LMNTD2: variants seen among roughly 807,000 people sequenced by gnomAD.
LMNTD2 encodes the protein lamin tail domain-containing protein 2.
LMNTD2 carries 83 observed loss-of-function variants against 70.1 expected under a neutral mutation model. That is an observed-to-expected ratio of 1.18 (90% CI 0.99 to 1.42). LMNTD2 has a LOEUF of 1.42. LMNTD2 is among the 40% of genes most tolerant of loss of function. The pLI is 0.00. For missense variants in LMNTD2, 1,153 were observed against 905.9 expected (o/e 1.27, Z -3.50); for synonymous variants, 534 against 406.1 (o/e 1.31, Z -3.79).
Position 558,044 on chromosome 11 carries a change from T to C in LMNTD2, c.400-5A>G. The C allele has an allele frequency of 6.3e-7, 1 of 1,581,100 alleles. No homozygotes were observed. Reference sequence around the variant, plus strand: ...CTCCTCCAGGTGCTCCTTCTCCTGCTCCGAGAGGGCCTGTGGTTGGTGGTG... The same window carrying C: ...CTCCTCCAGGTGCTCCTTCTCCTGCCCCGAGAGGGCCTGTGGTTGGTGGTG... On this transcript the variant is annotated splice_polypyrimidine_tract_variant and splice_region_variant and intron_variant, in intron 4 of 13. Transcript: ENST00000329451.
intron 1 of LMNTD2, 123 bp from the exon 2 acceptor site, chr11:559,102 T>G: frequency 5.9e-6 from 9 of 1,515,864 alleles, no homozygotes; most frequent in Non-Finnish European, 7.9e-6. Context: ...GTGCGCCTCG[T>G]GTGGCCACAC....
rs1054816309 is a variant in LMNTD2 at position 558,185 on chromosome 11, C to T, written c.375G>A (p.Lys125=). 16 of 1,613,570 alleles carry T rather than the reference C, an allele frequency of 9.9e-6. No homozygotes were observed. Among genetic ancestry groups the T allele is most frequent in the East Asian group, 4.5e-5 (2 of 44,884 alleles). ...NQVQKLIQEL[K]EQKERAQWEK... ...CCCACTGGGCTCGCTCCTTCTGTTC[C>T]TTCAACTCCTGGATCAGCTTCTGGA... Residue 125 remains lysine, a synonymous_variant, in exon 4 of 14, where the codon AAG becomes AAA. Coordinates refer to ENST00000329451, the MANE Select transcript of LMNTD2 (RefSeq NM_173573.3).
Position 557,949 on chromosome 11 carries a change from G to A in LMNTD2, c.490C>T (p.Leu164Phe), listed in dbSNP as rs777505810. The A allele has an allele frequency of 8.9e-5, 142 of 1,599,266 alleles. 3 individuals are homozygous for A. In the South Asian group the frequency reaches 1.4e-3, roughly 15 times the overall value. Reference protein sequence around the residue: ...AELQNLQKSCLLQLARSSWVG... With the variant: ...AELQNLQKSCFLQLARSSWVG... The stretch of plus-strand genomic sequence containing the variant: ...CACGAGGAGCGGGCCAGCTGCAGGA[G>A]GCAGGACTTCTGCAAGTTCTGCAGC... The change falls in exon 5 of 14, where the codon CTC (leucine) becomes TTC (phenylalanine). Residue 164 changes from leucine to phenylalanine, a missense_variant. Leu to Phe is a conservative substitution (Grantham distance 22). Transcript: ENST00000329451.
intron 8 of LMNTD2, 72 bp from the exon 9 acceptor site, chr11:556,660 G>C: frequency 1.4e-6 from 2 of 1,421,910 alleles, no homozygotes. Flanking sequence ...CGTGAGGTCA[G>C]AACAGGCCTG....
At chr11:555,617 G>A in intron 12 of LMNTD2, 114 bp from the exon 13 acceptor site, 1 of 1,260,644 alleles carries the variant, frequency 7.9e-7, no homozygotes, top group South Asian at 1.9e-5. Flanking sequence ...CCAGGGGGCG[G>A]CCGGGGCGGG....
chr11:557,103 G>A lies in LMNTD2; in HGVS notation c.714-6C>T, dbSNP rs1564816712. 3 of 1,582,216 alleles carry A rather than the reference G, an allele frequency of 1.9e-6. No homozygotes were observed. The highest frequency in any genetic ancestry group is 2.6e-6 in the Non-Finnish European group (3 of 1,162,672). On this transcript the variant is annotated splice_region_variant and splice_polypyrimidine_tract_variant and intron_variant, in intron 7 of 13. Transcript: ENST00000329451. ...GTGGCCAGGGCCGGGGCTGCCTGTG[G>A]ACCACGCTCTGCTTGATGGCCACTC... is the stretch of plus-strand genomic sequence containing the variant.
chr11:556,340 C>G lies in LMNTD2; in HGVS notation c.1109G>C (p.Arg370Pro), dbSNP rs898356524. 2.0e-6 allele frequency: 3 copies of G among 1,535,874 alleles called. No individual in the cohort carries two copies. Among genetic ancestry groups the G allele is most frequent in the Non-Finnish European group, 2.6e-6 (3 of 1,146,462 alleles). ...TGLKIVAVSC[R>P]EKFVRIFNPS... ...GTTGAAGATGCGGACGAACTTCTCC[C>G]GGCAGCTCACAGCCACGATCTTCAG... The change falls in exon 10 of 14, where the codon CGG becomes CCG. Residue 370 changes from arginine (R) to proline (P), a missense_variant. Transcript: ENST00000329451.
chr11:556,486 C>G lies in LMNTD2; in HGVS notation c.1073+6G>C. The stretch of plus-strand genomic sequence containing the variant: ...GCGCCGGAGGCTTGGGTCACTCGCC[C>G]CTTACCTCTGCAGGAGTTCCGGGCT... On this transcript the variant is annotated splice_donor_region_variant and intron_variant, in intron 9 of 13. Transcript: ENST00000329451. The G allele has an allele frequency of 6.4e-7, 1 of 1,550,680 alleles. No individual in the cohort carries two copies. The highest frequency in any genetic ancestry group is 1.2e-5 in the South Asian group (1 of 84,094).
Position 556,183 on chromosome 11 carries a change from G to A in LMNTD2, c.1257+9C>T. ...GCCGTCGGGGCCGGGCTCCCGGGCC[G>A]GGGCGCACCGTGACGTGGTGCCGCG... On this transcript the variant is annotated intron_variant, in intron 10 of 13. Transcript: ENST00000329451. 4.4e-6 allele frequency: 6 copies of A among 1,367,936 alleles called. No individual in the cohort carries two copies. The highest frequency in any genetic ancestry group is 5.6e-6 in the Non-Finnish European group (6 of 1,068,378). 84.7% of individuals were successfully genotyped at this position (1,367,936 alleles called of 1,614,324 possible).
chr11:555,621 G>T, intron 12 of LMNTD2, 113 bp downstream of exon 12: 1 of 1,267,916 alleles, frequency 7.9e-7, no homozygotes, highest in Non-Finnish European at 1.0e-6. Context: ...GGGGCGGCCG[G>T]GGCGGGGCCT....
In LMNTD2 at chr11:555,401, C is replaced by A; in HGVS notation, c.1677G>T (p.Leu559=). 1 of 1,397,462 alleles carries A rather than the reference C, an allele frequency of 7.2e-7. No individual in the cohort carries two copies. 86.6% of individuals were successfully genotyped at this position (1,397,462 alleles called of 1,614,324 possible). ...ENPEIPAPQH[L]PAIPGDPTLP... is the part of the protein sequence containing the mutation. ...GGGTGGGGTCACCCGGGATGGCGGG[C>A]AGGTGCTGCGGCGCGGGGATCTCGG... Residue 559 remains leucine, a synonymous_variant, in exon 13 of 14, where the codon CTG becomes CTT. Coordinates refer to ENST00000329451, the MANE Select transcript of LMNTD2 (RefSeq NM_173573.3).
chr11:555,575 G>A (rs1852796108), intron 12 of LMNTD2, 72 bp from the exon 13 acceptor site: 4 of 1,298,796 alleles, frequency 3.1e-6, no homozygotes, highest in Non-Finnish European at 3.0e-6. Flanking sequence ...CGCGCCTGGG[G>A]CGGGGCAGGG....
chr11:558,736 T>G lies in LMNTD2; in HGVS notation c.189A>C (p.Thr63=). 2 of 1,608,604 alleles carry G rather than the reference T, an allele frequency of 1.2e-6. No individual in the cohort carries two copies. The highest frequency in any genetic ancestry group is 1.7e-6 in the Non-Finnish European group (2 of 1,178,054). ...CTCGCTGTCTCCACAGCAGCCGCAG[T>G]GTGCGAGGGTCCAGGGACTCAAGAG... ...QLALESLDPR[T]LRLLWRQREL... is the part of the protein sequence containing the mutation. Residue 63 remains threonine, a synonymous_variant, in exon 3 of 14, where the codon ACA becomes ACC. Coordinates refer to ENST00000329451, the MANE Select transcript of LMNTD2 (RefSeq NM_173573.3).
rs61329792 is a variant in LMNTD2 at position 557,444 on chromosome 11, C to T, written c.668G>A (p.Arg223Gln). 5.3e-4 allele frequency: 850 copies of T among 1,608,212 alleles called. 3 individuals are homozygous for T. The African/African-American group carries it at 0.01, about 19-fold the overall frequency. The change falls in exon 7 of 14, where the codon CGG (arginine) becomes CAG (glutamine). Residue 223 changes from arginine to glutamine, a missense_variant. Coordinates refer to ENST00000329451, the MANE Select transcript of LMNTD2 (RefSeq NM_173573.3). ...CATGTTGGTGAAGAGGTTGGGATAC[C>T]GGCGGGCAACGCTGTTCCAATCCAC... ...EDVDWNSVARRYPNLFTNMEP... is the reference protein window; with the variant it reads ...EDVDWNSVARQYPNLFTNMEP...
intron 12 of LMNTD2, 49 bp from the exon 13 acceptor site, chr11:555,552 C>A: frequency 1.5e-6 from 2 of 1,327,826 alleles, no homozygotes; most frequent in African/African-American, 3.1e-5. Flanking sequence ...GGAAAGGCGG[C>A]CCTAGAGGGC....
Position 556,868 on chromosome 11 carries a change from C to G in LMNTD2, c.943G>C (p.Val315Leu). The G allele has an allele frequency of 1.3e-6, 2 of 1,590,074 alleles. No homozygotes were observed. Among genetic ancestry groups the G allele is most frequent in the East Asian group, 4.5e-5 (2 of 44,030 alleles). ...DHRASSEQAL[V>L]QAGSYSRDSE... ...TCCCTGCTGTAGCTGCCGGCCTGCACCAGCGCTTGCTCGGAGGAAGCGCGG... is the reference window on the plus strand; with the variant it reads ...TCCCTGCTGTAGCTGCCGGCCTGCAGCAGCGCTTGCTCGGAGGAAGCGCGG... The change falls in exon 8 of 14, where the codon GTG becomes CTG. Residue 315 changes from valine (V) to leucine (L), a missense_variant. Val to Leu is a conservative substitution (Grantham distance 32, BLOSUM62 1). Coordinates refer to ENST00000329451, the MANE Select transcript of LMNTD2 (RefSeq NM_173573.3).
chr11:555,132 G>A (rs751686846), intron 13 of LMNTD2, 21 bp from the exon 14 acceptor site: 1 of 1,311,918 alleles, frequency 7.6e-7, no homozygotes, highest in Admixed American at 3.1e-5. Context: ...CGGGGGCTGA[G>A]AGGCGCGCGG....
In LMNTD2 at chr11:556,300, G is replaced by C. The variant is rs746872966; in HGVS notation, c.1149C>G (p.Ser383Arg). The C allele has an allele frequency of 5.2e-6, 8 of 1,535,596 alleles. No individual in the cohort carries two copies. In the South Asian group the frequency reaches 9.5e-5, roughly 18 times the overall value. ...FVRIFNPSQE[S>R]TADLSGMVLK... ...GCACCATGCCGCTCAGGTCGGCCGT[G>C]CTCTCCTGCGACGGGTTGAAGATGC... Residue 383 changes from serine to arginine, a missense_variant, in exon 10 of 14, where the codon AGC becomes AGG. By Grantham distance (110) the Ser-to-Arg change is moderately radical. Coordinates refer to ENST00000329451, the MANE Select transcript of LMNTD2 (RefSeq NM_173573.3).
chr11:557,206 C>G, intron 7 of LMNTD2, 109 bp from the exon 8 acceptor site: 1 of 1,452,954 alleles, frequency 6.9e-7, no homozygotes, highest in Middle Eastern at 2.4e-4. Context: ...CTCCCAGTAC[C>G]CAGGCTCAGT....
Sources: gnomAD v4.1 joint callset for allele counts on GRCh38, gnomAD v4.1.1 for gene constraint, MANE v1.5 for transcripts, NCBI Gene and HGNC (gene_info 2026-07-23, HGNC 2026-07-21) for gene names.